HS1BP3: variants seen among roughly 807,000 people sequenced by gnomAD.
The protein encoded by HS1BP3 is HCLS1 binding protein 3.
Under a neutral mutation model 33.5 loss-of-function variants are expected in HS1BP3, and 32 were observed. The ratio of observed to expected loss-of-function variants is 0.95; its 90% confidence interval spans 0.72 to 1.28. The LOEUF is 1.28. Ranked by LOEUF, HS1BP3 falls within the 50% of genes most tolerant of loss-of-function variation. The probability of loss-of-function intolerance (pLI) is 0.00; values close to 1 mark genes in which losing one functional copy is unlikely to be tolerated. For synonymous variants in HS1BP3, 187 were observed against 209.2 expected (o/e 0.89, Z 0.92); for missense variants, 486 against 502.3 (o/e 0.97, Z 0.31).
intron 3 of HS1BP3, chr2:20,640,616 G>T: frequency 2.0e-6 from 1 of 496,154 alleles, no homozygotes. Flanking sequence ...GTTGGAGGAG[G>T]CAGAGGGGAG....
At chr2:20,564,551 T>TC (rs1348881866) in intron 5 of HS1BP3, among the ~76,000 whole-genome samples, 7 of 152,210 alleles carry the variant, frequency 4.6e-5, no homozygotes, top group Non-Finnish European at 8.8e-5. Context: ...TGGTATGATC[T>TC]TGGCTGACTG....
chr2:20,613,960 T>C (rs1694365550), downstream of HS1BP3, among the ~76,000 whole-genome samples: 1 of 152,210 alleles, frequency 6.6e-6, no homozygotes, highest in Non-Finnish European at 1.5e-5. Flanking sequence ...ATAGGGCCTT[T>C]GCAGGTATAA....
At chr2:20,631,553 A>AAAAAAAAAAAAAT (rs377095058) in intron 4 of HS1BP3, among the ~76,000 whole-genome samples, 1 of 108,206 alleles carries the variant, frequency 9.2e-6, no homozygotes, top group African/African-American at 3.4e-5. Context: ...AAAAAAAAAA[A>AAAAAAAAAAAAAT]GGGGCCAGCC....
chr2:20,567,591 C>T (rs1249973590), intron 5 of HS1BP3, among the ~76,000 whole-genome samples: 1 of 152,112 alleles, frequency 6.6e-6, no homozygotes, highest in Non-Finnish European at 1.5e-5. Context: ...AGACCTACTT[C>T]CCCCCCAGAC....
chr2:20,608,283 A>C (rs893254366), intron 2 of HS1BP3, among the ~76,000 whole-genome samples: 1 of 151,966 alleles, frequency 6.6e-6, no homozygotes, highest in African/African-American at 2.4e-5. Flanking sequence ...GCATAGAAGT[A>C]GCAGAAACAG....
chr2:20,575,250 G>T lies in HS1BP3; in HGVS notation c.303-14735C>A, dbSNP rs547393145. Among the ~76,000 whole-genome samples the T allele has an allele frequency of 1.2e-3, 182 of 152,326 alleles. 1 individual carries two copies. The highest frequency in any genetic ancestry group is 3.8e-3 in the African/African-American group (158 of 41,562). On this transcript the variant is annotated intron_variant, in intron 5 of 5. Coordinates refer to the HS1BP3 transcript ENST00000446825. ...TGCTGAGCTCTAGGCCTCGTTCCAA[G>T]GGTGAGGAGCCTGGTGGGACATTTA...
chr2:20,627,338 T>G (rs1415939521), intron 4 of HS1BP3, among the ~76,000 whole-genome samples: 1 of 152,230 alleles, frequency 6.6e-6, no homozygotes, highest in Non-Finnish European at 1.5e-5. Context: ...TGAACTTGCA[T>G]GTAACCAGCC....
chr2:20,624,124 G>T, intron 5 of HS1BP3, 93 bp from the exon 6 acceptor site: 1 of 1,438,918 alleles, frequency 6.9e-7, no homozygotes, highest in Non-Finnish European at 9.4e-7. Context: ...GAAGTCTTCT[G>T]GGCAGTCCTA....
At chr2:20,602,431 T>C (rs146400973) in intron 2 of HS1BP3, among the ~76,000 whole-genome samples, 265 of 152,310 alleles carry the variant, frequency 1.7e-3, no homozygotes, top group African/African-American at 6.1e-3. Flanking sequence ...TTGCTCAGAA[T>C]TGTTTATTTA....
At chr2:20,623,636 G>T (rs1694673938) in intron 6 of HS1BP3, 1 of 398,620 alleles carries the variant, frequency 2.5e-6, no homozygotes, top group South Asian at 7.2e-5. Flanking sequence ...GTTAAAATAT[G>T]ATTGTGAAAA....
chr2:20,572,463 A>G (rs1693297564), intron 5 of HS1BP3, among the ~76,000 whole-genome samples: 5 of 152,172 alleles, frequency 3.3e-5, no homozygotes, highest in Admixed American at 2.6e-4. Flanking sequence ...TGTTATACAG[A>G]GAGACAGCAT....
At chr2:20,633,443 C>G (rs1362794126) in intron 4 of HS1BP3, among the ~76,000 whole-genome samples, 1 of 152,214 alleles carries the variant, frequency 6.6e-6, no homozygotes, top group African/African-American at 2.4e-5. Flanking sequence ...AAAGCAGAAA[C>G]CACTGGTACA....
At chr2:20,644,258 C>T (rs1041208084) in intron 2 of HS1BP3, among the ~76,000 whole-genome samples, 2 of 152,162 alleles carry the variant, frequency 1.3e-5, no homozygotes, top group Admixed American at 1.3e-4. Context: ...CGTAGATACC[C>T]ACCCAGTTCT....
At chr2:20,605,211 C>T (rs1284459428) in intron 2 of HS1BP3, among the ~76,000 whole-genome samples, 1 of 152,196 alleles carries the variant, frequency 6.6e-6, no homozygotes, top group Non-Finnish European at 1.5e-5. Context: ...CTGGGAGGCC[C>T]ATGGCTCCCC....
downstream of HS1BP3, among the ~76,000 whole-genome samples, chr2:20,613,691 G>C (rs1694358868): frequency 6.6e-6 from 1 of 152,158 alleles, no homozygotes. Flanking sequence ...GATGGCCCGT[G>C]GTGGGTGTCT....
Position 20,645,514 on chromosome 2 carries a change from G to T in HS1BP3, c.33-9C>A, listed in dbSNP as rs971471067. 14 of 1,606,894 alleles carry T rather than the reference G, an allele frequency of 8.7e-6. No homozygotes were observed. Among genetic ancestry groups the T allele is most frequent in the Non-Finnish European group, 1.2e-5 (14 of 1,176,970 alleles). ...GGGCATTCTGAAGTCGCCTGCCAGG[G>T]GAAAAGAAGGCAGGTGGGGTTCAGG... On this transcript the variant is annotated splice_polypyrimidine_tract_variant and intron_variant, in intron 1 of 6. Coordinates refer to ENST00000304031, the MANE Select transcript of HS1BP3 (RefSeq NM_022460.4).
At chr2:20,559,160 C>A (rs1357421063), downstream of HS1BP3, among the ~76,000 whole-genome samples, 1 of 152,190 alleles carries the variant, frequency 6.6e-6, no homozygotes, top group Non-Finnish European at 1.5e-5. Flanking sequence ...AGAGGGCTAC[C>A]ATCCTTCTTG....
chr2:20,555,180 C>A, the HS1BP3 span, among the ~76,000 whole-genome samples: 1 of 152,328 alleles, frequency 6.6e-6, no homozygotes, highest in Non-Finnish European at 1.5e-5. Context: ...TCTCCCCATG[C>A]GACGCTAGGA....
downstream of HS1BP3, chr2:20,592,388 T>TC (rs1273660644): frequency 3.5e-5 from 4 of 113,236 alleles, no homozygotes; most frequent in African/African-American, 1.6e-4. Context: ...TCTTCTGACC[T>TC]CCCCCATCCA....
Sources: gnomAD v4.1 joint callset for allele counts (sites outside exome capture counted in the v4.1 genomes callset) on GRCh38, gnomAD v4.1.1 for gene constraint, MANE v1.5 for transcripts, NCBI Gene and HGNC (gene_info 2026-07-23, HGNC 2026-07-21) for gene names.